HDAC9: variants seen among roughly 807,000 people sequenced by gnomAD.
HDAC9 encodes the protein histone deacetylase 9.
Under a neutral mutation model 139.4 loss-of-function variants are expected in HDAC9, and 41 were observed. The observed-to-expected ratio is 0.29, with a 90% CI of 0.23 to 0.38. The LOEUF (loss-of-function observed/expected upper bound fraction) is 0.38, where lower values mean the gene tolerates loss of function less well. HDAC9 is among the 10% of genes least tolerant of loss of function. The pLI, the probability that HDAC9 is intolerant of heterozygous loss-of-function variation, is 1.00. For missense variants in HDAC9, 1,147 were observed against 1,297.0 expected (o/e 0.88, Z 1.78); for synonymous variants, 517 against 476.2 (o/e 1.09, Z -1.12).
chr7:18,903,074 T>G (rs1361009329), intron 22 of HDAC9, among the ~76,000 whole-genome samples: 1 of 152,238 alleles, frequency 6.6e-6, no homozygotes, highest in Non-Finnish European at 1.5e-5. Flanking sequence ...ATGAGCAATT[T>G]GAAAACAATT....
intron 1 of HDAC9, among the ~76,000 whole-genome samples, chr7:18,153,413 A>T (rs932372351): frequency 6.6e-6 from 1 of 152,158 alleles, no homozygotes; most frequent in African/African-American, 2.4e-5. Flanking sequence ...ATGTAAATGA[A>T]GTAGCAGCCC....
At chr7:18,634,921 T>C (rs1437366912) in intron 8 of HDAC9, among the ~76,000 whole-genome samples, 179 bp downstream of exon 8, 1 of 152,104 alleles carries the variant, frequency 6.6e-6, no homozygotes, top group East Asian at 1.9e-4. Context: ...CTAATGTAAA[T>C]ATTATAAACC....
At chr7:18,652,019 A>G (rs1219126035) in intron 11 of HDAC9, among the ~76,000 whole-genome samples, 1 of 152,180 alleles carries the variant, frequency 6.6e-6, no homozygotes, top group Non-Finnish European at 1.5e-5. Context: ...AAGTTTAATC[A>G]TAAAGAAATC....
chr7:18,888,187 C>G (rs1168407342), intron 22 of HDAC9, among the ~76,000 whole-genome samples: 1 of 151,956 alleles, frequency 6.6e-6, no homozygotes. Flanking sequence ...TTTGGGAGGC[C>G]GAGGCAGGCG....
At chr7:18,091,202 A>T (rs1183738960) in intron 1 of HDAC9, among the ~76,000 whole-genome samples, 2 of 152,240 alleles carry the variant, frequency 1.3e-5, no homozygotes, top group African/African-American at 2.4e-5. Flanking sequence ...ATCATTAAGT[A>T]TCAAGTACTG....
chr7:18,673,501 A>C (rs1052659310), intron 12 of HDAC9, among the ~76,000 whole-genome samples: 8 of 152,046 alleles, frequency 5.3e-5, no homozygotes, highest in African/African-American at 1.9e-4. Flanking sequence ...TTAATATTCC[A>C]TGTCTATTGA....
chr7:18,660,330 T>C (rs1319759531), intron 11 of HDAC9, among the ~76,000 whole-genome samples: 1 of 152,192 alleles, frequency 6.6e-6, no homozygotes, highest in Non-Finnish European at 1.5e-5. Flanking sequence ...CATTTGTCTT[T>C]TTTGTATTTT....
intron 1 of HDAC9, among the ~76,000 whole-genome samples, chr7:18,371,428 C>T (rs1343483580): frequency 6.6e-6 from 1 of 152,034 alleles, no homozygotes; most frequent in Non-Finnish European, 1.5e-5. Context: ...AAATGTATGC[C>T]TTGGCTGAAA....
chr7:18,596,376 T>C (rs1221248449), intron 6 of HDAC9, among the ~76,000 whole-genome samples: 5 of 152,128 alleles, frequency 3.3e-5, no homozygotes, highest in Non-Finnish European at 7.4e-5. Flanking sequence ...AATTACAAAA[T>C]AGGTGGAACA....
At chr7:18,278,043 A>C (rs954151216) in intron 2 of HDAC9, among the ~76,000 whole-genome samples, 8 of 152,196 alleles carry the variant, frequency 5.3e-5, no homozygotes, top group African/African-American at 1.9e-4. Flanking sequence ...CATCGTACAA[A>C]CAAGAGGAAG....
chr7:18,267,698 G>A (rs1173776880), intron 2 of HDAC9, among the ~76,000 whole-genome samples: 1 of 151,998 alleles, frequency 6.6e-6, no homozygotes, highest in Non-Finnish European at 1.5e-5. Flanking sequence ...TTTCTTTATT[G>A]ATGGACACTT....
At chr7:18,730,180 A>G (rs368750013) in intron 13 of HDAC9, among the ~76,000 whole-genome samples, 2 of 152,332 alleles carry the variant, frequency 1.3e-5, no homozygotes, top group South Asian at 2.1e-4. Context: ...TTGATATGTA[A>G]CATTCATTTA....
chr7:18,486,799 G>T (rs909004508), intron 1 of HDAC9, among the ~76,000 whole-genome samples: 2 of 152,056 alleles, frequency 1.3e-5, no homozygotes, highest in African/African-American at 4.8e-5. Flanking sequence ...TTAGATTTGG[G>T]AAGGGTGGTA....
intron 2 of HDAC9, among the ~76,000 whole-genome samples, chr7:18,542,154 C>T (rs76374418): frequency 2.0e-5 from 3 of 152,098 alleles, no homozygotes; most frequent in African/African-American, 7.2e-5. Flanking sequence ...TCTCTATTCA[C>T]GAACCACTGA....
At chr7:18,781,024 A>G (rs375876079) in intron 16 of HDAC9, among the ~76,000 whole-genome samples, 11 of 152,118 alleles carry the variant, frequency 7.2e-5, no homozygotes, top group African/African-American at 2.6e-4. Context: ...AAATGTTGGC[A>G]GATTTGATTT....
chr7:18,685,794 A>G (rs977490127), intron 12 of HDAC9, among the ~76,000 whole-genome samples: 2 of 152,012 alleles, frequency 1.3e-5, no homozygotes, highest in African/African-American at 4.8e-5. Flanking sequence ...ACCTAACTAA[A>G]TTAGTCATAA....
At position 18,413,433 on chromosome 7, in the gene HDAC9, A is replaced by T. The variant is rs1020073443; in HGVS notation, c.-41-82829A>T. ...AACTTAAACATTAGTTTCCTTGTTG[A>T]TATTTTTGAAGTCCTAATGTTAATA... On this transcript the variant is annotated intron_variant, in intron 1 of 3. Transcript: ENST00000413509. Among the ~76,000 whole-genome samples, 11 of 152,102 alleles carry T rather than the reference A, an allele frequency of 7.2e-5. 1 individual carries two copies. The highest frequency in any genetic ancestry group is 2.7e-4 in the African/African-American group (11 of 41,444).
chr7:18,227,934 CCT>C (rs1462129052), intron 2 of HDAC9, among the ~76,000 whole-genome samples: 2 of 152,044 alleles, frequency 1.3e-5, no homozygotes, highest in African/African-American at 4.8e-5. Context: ...TTCATTTTCC[CCT>C]GTGTTATAAT....
upstream of HDAC9, among the ~76,000 whole-genome samples, chr7:18,491,264 TAAAAC>T (rs1050407622): frequency 4.0e-5 from 6 of 151,792 alleles, no homozygotes; most frequent in East Asian, 1.9e-4. Context: ...TGAGAAAAAT[TAAAAC>T]AAAACAATAC....
Sources: allele counts gnomAD v4.1 joint callset (sites outside exome capture counted in the v4.1 genomes callset), GRCh38; gene constraint gnomAD v4.1.1; transcripts MANE v1.5; gene names NCBI Gene and HGNC (gene_info 2026-07-23, HGNC 2026-07-21).